The following SGK3 variants were observed in gnomAD, a reference collection of about 807,000 sequenced individuals.
The protein encoded by SGK3 is serine/threonine-protein kinase Sgk3.
Under a neutral mutation model 68.5 loss-of-function variants are expected in SGK3, and 47 were observed. The ratio of observed to expected loss-of-function variants is 0.69; its 90% CI spans 0.54 to 0.87. The LOEUF (loss-of-function observed/expected upper bound fraction) is 0.87, where lower values mean the gene tolerates loss of function less well. SGK3 is among the 40% of genes least tolerant of loss of function. SGK3 has a pLI of 0.00. For synonymous variants in SGK3, 181 were observed against 189.1 expected (o/e 0.96, Z 0.35); for missense variants, 479 against 575.5 (o/e 0.83, Z 1.72).
chr8:66,796,401 G>A (rs1007343280), intron 2 of SGK3, among the ~76,000 whole-genome samples: 8 of 123,158 alleles, frequency 6.5e-5, no homozygotes, highest in Non-Finnish European at 1.3e-4. Context: ...TCTTGACCTC[G>A]TGATCCGCCC....
At chr8:66,774,981 G>A (rs1043964975) in intron 1 of SGK3, among the ~76,000 whole-genome samples, 1 of 152,210 alleles carries the variant, frequency 6.6e-6, no homozygotes. Flanking sequence ...CCCCGCGGGG[G>A]TCCTCTCGTT....
At chr8:66,846,606 G>A (rs1416326383) in intron 14 of SGK3, among the ~76,000 whole-genome samples, 1 of 152,108 alleles carries the variant, frequency 6.6e-6, no homozygotes, top group Non-Finnish European at 1.5e-5. Context: ...GAGCCACCAC[G>A]CCTGGTCTTT....
At chr8:66,848,851 C>A (rs993940746) in intron 15 of SGK3, among the ~76,000 whole-genome samples, 1 of 152,192 alleles carries the variant, frequency 6.6e-6, no homozygotes, top group African/African-American at 2.4e-5. Context: ...CTCCCTTTCC[C>A]AAGCTCTTTC....
intron 6 of SGK3, among the ~76,000 whole-genome samples, chr8:66,824,159 T>C (rs1427850027): frequency 6.6e-6 from 1 of 152,132 alleles, no homozygotes; most frequent in African/African-American, 2.4e-5. Flanking sequence ...TACTTTTACA[T>C]CTGTGACATG....
intron 1 of SGK3, among the ~76,000 whole-genome samples, chr8:66,785,464 G>A (rs964727085): frequency 1.3e-5 from 2 of 152,160 alleles, no homozygotes; most frequent in Non-Finnish European, 2.9e-5. Flanking sequence ...TCAACCTTCA[G>A]CCCTGTTGAC....
intron 4 of SGK3, among the ~76,000 whole-genome samples, chr8:66,808,481 C>T (rs563236893): frequency 6.6e-6 from 1 of 151,202 alleles, no homozygotes; most frequent in Non-Finnish European, 1.5e-5. Context: ...GTGATACAAA[C>T]AAAATCAAAG....
intron 8 of SGK3, among the ~76,000 whole-genome samples, chr8:66,832,941 G>A (rs1408722018): frequency 6.6e-6 from 1 of 150,562 alleles, no homozygotes; most frequent in Non-Finnish European, 1.5e-5. Flanking sequence ...TGGGCCACCT[G>A]ATCTGCAGGG....
chr8:66,783,224 T>C (rs550229424), intron 1 of SGK3, among the ~76,000 whole-genome samples: 64 of 152,402 alleles, frequency 4.2e-4, no homozygotes, highest in African/African-American at 1.4e-3. Flanking sequence ...TGACATGATG[T>C]GGAATATGCT....
At chr8:66,814,266 G>A (rs1176329349) in intron 5 of SGK3, among the ~76,000 whole-genome samples, 1 of 152,128 alleles carries the variant, frequency 6.6e-6, no homozygotes, top group Non-Finnish European at 1.5e-5. Context: ...GGAATATAAA[G>A]CTAAGTGTCG....
intron 1 of SGK3, among the ~76,000 whole-genome samples, chr8:66,749,216 T>C (rs750970119): frequency 6.6e-6 from 1 of 152,148 alleles, no homozygotes; most frequent in African/African-American, 2.4e-5. Flanking sequence ...TTTCATCTTA[T>C]AGAAAAGTTA....
At chr8:66,717,218 A>G (rs1033821657) in intron 1 of SGK3, among the ~76,000 whole-genome samples, 1 of 113,746 alleles carries the variant, frequency 8.8e-6, no homozygotes, top group Non-Finnish European at 1.6e-5. Flanking sequence ...AAAAAAAAAA[A>G]CAAAAAAAAC....
At chr8:66,739,135 CTT>C (rs1391958201) in intron 1 of SGK3, among the ~76,000 whole-genome samples, 2 of 152,162 alleles carry the variant, frequency 1.3e-5, no homozygotes, top group Non-Finnish European at 2.9e-5. Flanking sequence ...AGAGAAACCT[CTT>C]TATTTGATTT....
At chr8:66,790,063 G>A (rs1807375119) in intron 1 of SGK3, among the ~76,000 whole-genome samples, 1 of 152,040 alleles carries the variant, frequency 6.6e-6, no homozygotes, top group Non-Finnish European at 1.5e-5. Context: ...AGGCAACAGA[G>A]TGAGACCCCA....
At chr8:66,754,932 A>C (rs1585671323) in intron 1 of SGK3, among the ~76,000 whole-genome samples, 1 of 152,234 alleles carries the variant, frequency 6.6e-6, no homozygotes, top group Non-Finnish European at 1.5e-5. Context: ...GCAGCACAGT[A>C]GCATCCCCAG....
In SGK3 at chr8:66,831,329, G is replaced by A. The variant is rs1178854927; in HGVS notation, c.525+18G>A. The A allele has an allele frequency of 3.1e-6, 5 of 1,611,508 alleles. No homozygotes were observed. The African/African-American group carries it at 4.0e-5, about 13-fold the overall frequency. ...TTGGCAAGGTAAGAGTGTTTTGTGA[G>A]GTTTTTATTTGGTTTTGGTTTTGGT... is the stretch of plus-strand genomic sequence containing the variant. On this transcript the variant is annotated intron_variant, in intron 8 of 16. Coordinates refer to ENST00000521198, the MANE Select transcript of SGK3 (RefSeq NM_001033578.3).
At chr8:66,738,092 C>T (rs1217680932) in intron 1 of SGK3, among the ~76,000 whole-genome samples, 1 of 151,998 alleles carries the variant, frequency 6.6e-6, no homozygotes, top group Non-Finnish European at 1.5e-5. Context: ...TTTCATTTTC[C>T]TTTTACTGTC....
At chr8:66,847,005 T>A (rs112066124) in intron 14 of SGK3, among the ~76,000 whole-genome samples, 188 bp from the exon 15 acceptor site, 3 of 152,332 alleles carry the variant, frequency 2.0e-5, no homozygotes, top group African/African-American at 7.2e-5. Flanking sequence ...TGAACACTTA[T>A]TAAGCTCTGT....
intron 1 of SGK3, among the ~76,000 whole-genome samples, chr8:66,735,280 A>G (rs1805286743): frequency 6.6e-6 from 1 of 152,214 alleles, no homozygotes; most frequent in East Asian, 1.9e-4. Flanking sequence ...ACAAGTTGCA[A>G]AACACAAAAT....
intron 1 of SGK3, among the ~76,000 whole-genome samples, chr8:66,759,337 G>A (rs950290925): frequency 4.0e-5 from 6 of 151,764 alleles, no homozygotes; most frequent in African/African-American, 9.7e-5. Context: ...CGCCCACCTC[G>A]CCCTCCCAAA....
Sources: gnomAD v4.1 joint callset for allele counts (sites outside exome capture counted in the v4.1 genomes callset) on GRCh38, gnomAD v4.1.1 for gene constraint, MANE v1.5 for transcripts, NCBI Gene and HGNC (gene_info 2026-07-23, HGNC 2026-07-21) for gene names.